The following ELAVL4 variants were observed in gnomAD, a reference collection of about 807,000 sequenced individuals.
The protein encoded by ELAVL4 is ELAV like RNA binding protein 4.
A neutral mutation model predicts 35.6 loss-of-function variants in ELAVL4; 1 was observed. The observed-to-expected ratio is 0.03, with a 90% CI of 0.01 to 0.13. ELAVL4 has a LOEUF of 0.13. Among genes scored for constraint, ELAVL4 ranks in the 10% least tolerant of loss-of-function variants. The pLI, the probability that ELAVL4 is intolerant of heterozygous loss-of-function variation, is 1.00. For missense variants in ELAVL4, 267 were observed against 464.9 expected (o/e 0.57, Z 3.91); for synonymous variants, 156 against 171.0 (o/e 0.91, Z 0.69).
intron 3 of ELAVL4, among the ~76,000 whole-genome samples, chr1:50,185,663 C>T (rs1157564851): frequency 6.6e-6 from 1 of 152,142 alleles, no homozygotes; most frequent in African/African-American, 2.4e-5. Flanking sequence ...TCAAGAAATG[C>T]TCCCCAGGAT....
At chr1:50,172,498 C>T (rs1385054422) in intron 2 of ELAVL4, among the ~76,000 whole-genome samples, 1 of 152,006 alleles carries the variant, frequency 6.6e-6, no homozygotes, top group Non-Finnish European at 1.5e-5. Context: ...TAACAATCTA[C>T]AGCTCATGGG....
chr1:50,114,987 C>T (rs549101781), intron 1 of ELAVL4: 3 of 152,148 alleles, frequency 2.0e-5, no homozygotes, highest in East Asian at 1.9e-4. Flanking sequence ...AAATAACTTA[C>T]GCAGTGTCAG....
chr1:50,064,298 T>C (rs1399614046), intron 1 of ELAVL4, among the ~76,000 whole-genome samples: 1 of 152,196 alleles, frequency 6.6e-6, no homozygotes, highest in African/African-American at 2.4e-5. Flanking sequence ...GTTTTATTCT[T>C]ACCGATTTTT....
intron 1 of ELAVL4, among the ~76,000 whole-genome samples, chr1:50,084,754 A>G (rs1251664187): frequency 6.6e-6 from 1 of 151,966 alleles, no homozygotes; most frequent in Non-Finnish European, 1.5e-5. Flanking sequence ...CTCATCCTTT[A>G]GGTAGGTGTC....
At chr1:50,134,883 G>A (rs1671624044) in intron 1 of ELAVL4, among the ~76,000 whole-genome samples, 1 of 152,062 alleles carries the variant, frequency 6.6e-6, no homozygotes, top group African/African-American at 2.4e-5. Flanking sequence ...ATCATCTTAG[G>A]CCCAAAATGA....
chr1:50,051,949 T>C (rs777866119), intron 1 of ELAVL4, among the ~76,000 whole-genome samples: 6 of 152,130 alleles, frequency 3.9e-5, no homozygotes, highest in Non-Finnish European at 8.8e-5. Context: ...GTCTTGTCTA[T>C]CTCTTCATAT....
intron 1 of ELAVL4, among the ~76,000 whole-genome samples, chr1:50,088,305 C>A (rs979495241): frequency 6.6e-6 from 1 of 152,118 alleles, no homozygotes; most frequent in Non-Finnish European, 1.5e-5. Flanking sequence ...TAATTATAGG[C>A]GAATACACAT....
At chr1:50,071,808 C>T (rs1223082924) in intron 1 of ELAVL4, among the ~76,000 whole-genome samples, 1 of 151,970 alleles carries the variant, frequency 6.6e-6, no homozygotes, top group Admixed American at 6.6e-5. Context: ...AAATGAGGCC[C>T]ATAGGTGGAG....
At position 50,068,562 on chromosome 1, in the gene ELAVL4, C is replaced by T. The variant is rs147562949; in HGVS notation, c.18+20380C>T. ...GTGGTGCCTTTGTCATTGTCAAATC[C>T]TTGTCATCTGCCTCAGTGTCTGGCA... is the stretch of plus-strand genomic sequence containing the variant. On this transcript the variant is annotated intron_variant, in intron 1 of 6. Coordinates refer to the ELAVL4 transcript ENST00000448907. 3.8e-3 allele frequency among the ~76,000 whole-genome samples: 583 copies of T among 152,262 alleles called. 4 individuals are homozygous for T. The highest frequency in any genetic ancestry group is 0.014 in the Admixed American group (216 of 15,290).
chr1:50,129,640 C>T (rs1670531374), intron 1 of ELAVL4, among the ~76,000 whole-genome samples: 1 of 151,988 alleles, frequency 6.6e-6, no homozygotes, highest in Non-Finnish European at 1.5e-5. Flanking sequence ...ACTGGTTTGG[C>T]ATTATTGTGA....
intron 1 of ELAVL4, among the ~76,000 whole-genome samples, chr1:50,082,519 GTTGT>G (rs1665052631): frequency 1.3e-5 from 2 of 152,060 alleles, no homozygotes; most frequent in Admixed American, 6.6e-5. Context: ...TTTTAATGGG[GTTGT>G]TTGTTTTTTT....
In ELAVL4 at chr1:50,201,352, G is replaced by A. The variant is rs1371228334; in HGVS notation, c.*174G>A. ...TATTAAAACATTGGATTATCCTGAG[G>A]TGTACCAGGAAAGGATTTTATAATG... is the stretch of plus-strand genomic sequence containing the variant. On this transcript the variant is annotated 3_prime_UTR_variant, in exon 7 of 7. Coordinates refer to ENST00000371824, the MANE Select transcript of ELAVL4 (RefSeq NM_001144774.3). This position sits in a 1 kb window ranked among gnomAD's most constrained non-coding sequence, Gnocchi z 4.3. 7 of 600,378 alleles carry A rather than the reference G, an allele frequency of 1.2e-5. No homozygotes were observed. The highest frequency in any genetic ancestry group is 5.3e-4 in the Middle Eastern group (1 of 1,872). The allele number at this position is 600,378 out of a possible 1,614,324, so 37.2% of individuals were successfully genotyped here.
intron 1 of ELAVL4, among the ~76,000 whole-genome samples, chr1:50,098,368 T>A (rs183896687): frequency 6.6e-6 from 1 of 152,194 alleles, no homozygotes; most frequent in Non-Finnish European, 1.5e-5. Context: ...GTTAAAAAAA[T>A]GAAAAGTTAT....
chr1:50,072,852 A>C (rs1445319550), intron 1 of ELAVL4, among the ~76,000 whole-genome samples: 1 of 152,146 alleles, frequency 6.6e-6, no homozygotes, highest in East Asian at 1.9e-4. Flanking sequence ...TAACTTTCCC[A>C]AGGTACCCCA....
chr1:50,172,886 A>G (rs1456291525), intron 2 of ELAVL4, among the ~76,000 whole-genome samples: 1 of 152,184 alleles, frequency 6.6e-6, no homozygotes, highest in Non-Finnish European at 1.5e-5. Flanking sequence ...TTTGTTGTTC[A>G]TCTGATCTGT....
chr1:50,121,960 GT>G (rs1669117419), intron 1 of ELAVL4, among the ~76,000 whole-genome samples: 1 of 152,066 alleles, frequency 6.6e-6, no homozygotes, highest in South Asian at 2.1e-4. Flanking sequence ...AATAAGATTA[GT>G]TTTCATTTCT....
intron 1 of ELAVL4, among the ~76,000 whole-genome samples, chr1:50,096,321 A>G (rs1363018945): frequency 6.6e-6 from 1 of 150,898 alleles, no homozygotes; most frequent in Non-Finnish European, 1.5e-5. Flanking sequence ...GAAAGCTCAG[A>G]TAACAAAGAA....
At chr1:50,052,619 C>A (rs1320998347) in intron 1 of ELAVL4, among the ~76,000 whole-genome samples, 2 of 152,174 alleles carry the variant, frequency 1.3e-5, no homozygotes, top group Admixed American at 1.3e-4. Context: ...AATAATTATA[C>A]TAATCCCTTG....
intron 1 of ELAVL4, among the ~76,000 whole-genome samples, chr1:50,049,663 C>T (rs1663251252): frequency 6.6e-6 from 1 of 152,092 alleles, no homozygotes; most frequent in South Asian, 2.1e-4. Flanking sequence ...ATGGGGTCAA[C>T]CATGAGCAAG....
Sources: gnomAD v4.1 joint callset for allele counts (sites outside exome capture counted in the v4.1 genomes callset) on GRCh38, gnomAD v4.1.1 for gene constraint, Gnocchi (gnomAD v3.1) non-coding constraint, MANE v1.5 for transcripts, NCBI Gene and HGNC (gene_info 2026-07-23, HGNC 2026-07-21) for gene names.